Variants in TNFRSF21 observed in about 807,000 individuals in gnomAD.
TNFRSF21 encodes TNF receptor superfamily member 21.
A neutral mutation model predicts 45.6 loss-of-function variants in TNFRSF21; 19 were observed. That is an observed-to-expected ratio of 0.42 (90% CI 0.29 to 0.61). TNFRSF21 has a LOEUF of 0.61. TNFRSF21 is among the 20% of genes least tolerant of loss of function. The probability of loss-of-function intolerance (pLI) is 0.23; values close to 1 mark genes in which losing one functional copy is unlikely to be tolerated. For synonymous variants in TNFRSF21, 314 were observed against 335.5 expected (o/e 0.94, Z 0.70); for missense variants, 737 against 851.5 (o/e 0.87, Z 1.67).
intron 3 of TNFRSF21, among the ~76,000 whole-genome samples, chr6:47,277,356 C>T (rs1005792931): frequency 6.6e-6 from 1 of 152,160 alleles, no homozygotes; most frequent in African/African-American, 2.4e-5. Flanking sequence ...GTGACTTAAT[C>T]GGGAAACAAA....
chr6:47,243,428 T>G (rs1561938450), intron 4 of TNFRSF21, among the ~76,000 whole-genome samples: 1 of 152,184 alleles, frequency 6.6e-6, no homozygotes, highest in Non-Finnish European at 1.5e-5. Context: ...TACATACTGT[T>G]GTTTTTTTGG....
chr6:47,273,346 A>C (rs1449432605), intron 3 of TNFRSF21, among the ~76,000 whole-genome samples: 1 of 152,246 alleles, frequency 6.6e-6, no homozygotes, highest in East Asian at 1.9e-4. Context: ...CCTGGGATGC[A>C]AGGCTGGTTC....
In TNFRSF21 at chr6:47,231,945, A is replaced by C. The variant is rs532427816; in HGVS notation, c.*820T>G. Reference sequence around the variant, plus strand: ...GTGTTCCAGAACAGCTCAAATCCTAAAAGGTGAAGTTCAAGTTCTTTGGTG... The same window carrying C: ...GTGTTCCAGAACAGCTCAAATCCTACAAGGTGAAGTTCAAGTTCTTTGGTG... On this transcript the variant is annotated 3_prime_UTR_variant, in exon 6 of 6. Coordinates refer to ENST00000296861, the MANE Select transcript of TNFRSF21 (RefSeq NM_014452.5). 8.5e-5 allele frequency: 13 copies of C among 152,766 alleles called. No homozygotes were observed. Among genetic ancestry groups the C allele is most frequent in the African/African-American group, 3.1e-4 (13 of 41,584 alleles). The allele number at this position is 152,766 out of a possible 1,614,324, so 9.5% of individuals were successfully genotyped here. A position where few individuals can be genotyped will look rare whatever the true frequency, so the allele number is the denominator to read the frequency against.
At chr6:47,241,286 T>C (rs1385968298) in intron 4 of TNFRSF21, among the ~76,000 whole-genome samples, 1 of 152,176 alleles carries the variant, frequency 6.6e-6, no homozygotes, top group Non-Finnish European at 1.5e-5. Context: ...TCTATTCAAT[T>C]CCTAAGTTCG....
chr6:47,268,366 C>T (rs1359399452), intron 3 of TNFRSF21, among the ~76,000 whole-genome samples: 1 of 152,186 alleles, frequency 6.6e-6, no homozygotes, highest in Admixed American at 6.5e-5. Flanking sequence ...AATAATAAGG[C>T]TCTCCTAGAG....
chr6:47,256,995 C>T (rs957987615), intron 3 of TNFRSF21, among the ~76,000 whole-genome samples: 7 of 152,216 alleles, frequency 4.6e-5, no homozygotes, highest in South Asian at 2.1e-4. Flanking sequence ...AGGGTCACTG[C>T]GGATAAGCTG....
rs1762647678 is a variant in TNFRSF21 at position 47,286,264 on chromosome 6, G to A, written c.428C>T (p.Thr143Ile). Residue 143 changes from threonine (T) to isoleucine (I), a missense_variant, in exon 2 of 6, where the codon ACC becomes ATC. Transcript: ENST00000296861. The stretch of plus-strand genomic sequence containing the variant: ...AGGACACACCGTATGGGGGGCACAG[G>A]TAGCGTTAGACTGGAACATGCCAGG... ...CPPGMFQSNA[T>I]CAPHTVCPVG... 6.2e-7 allele frequency: 1 copy of A among 1,614,214 alleles called. No homozygotes were observed. The highest frequency in any genetic ancestry group is 1.1e-5 in the South Asian group (1 of 91,058).
intron 4 of TNFRSF21, among the ~76,000 whole-genome samples, chr6:47,238,065 A>C (rs1209407291): frequency 1.3e-5 from 2 of 152,206 alleles, no homozygotes; most frequent in Non-Finnish European, 2.9e-5. Context: ...AAAAGAAAGA[A>C]AAAAAGATAT....
chr6:47,284,540 G>C, intron 2 of TNFRSF21, 108 bp from the exon 3 acceptor site: 1 of 1,276,154 alleles, frequency 7.8e-7, no homozygotes, highest in Non-Finnish European at 1.0e-6. Context: ...TCAAAGATAA[G>C]ATGACCCTTG....
At chr6:47,251,507 C>G (rs768443007) in intron 4 of TNFRSF21, among the ~76,000 whole-genome samples, 3 of 152,194 alleles carry the variant, frequency 2.0e-5, no homozygotes, top group Non-Finnish European at 4.4e-5. Context: ...TTATGAATCA[C>G]TCTTTTTGAC....
chr6:47,299,190 G>A lies in TNFRSF21; in HGVS notation c.96+10226C>T, dbSNP rs190485442. 7.2e-5 allele frequency among the ~76,000 whole-genome samples: 11 copies of A among 152,164 alleles called. No individual in the cohort carries two copies. In the East Asian group the frequency reaches 1.2e-3, roughly 16 times the overall value. Reference sequence around the variant, plus strand: ...AATATTCTCAGACACAAAGAAAAAGGTTTAAAAATATAAATCTCGGCTGGG... The same window carrying A: ...AATATTCTCAGACACAAAGAAAAAGATTTAAAAATATAAATCTCGGCTGGG... On this transcript the variant is annotated intron_variant, in intron 1 of 5. Transcript: ENST00000296861.
chr6:47,295,352 C>A (rs941049871), intron 1 of TNFRSF21, among the ~76,000 whole-genome samples: 4 of 152,304 alleles, frequency 2.6e-5, no homozygotes, highest in African/African-American at 9.6e-5. Context: ...CTATCAAATT[C>A]TAATTTTTAG....
chr6:47,287,181 C>A (rs1420846365), intron 1 of TNFRSF21, among the ~76,000 whole-genome samples: 1 of 151,678 alleles, frequency 6.6e-6, no homozygotes, highest in South Asian at 2.1e-4. Flanking sequence ...GTGGTGCATG[C>A]CTGTAATCCC....
chr6:47,284,161 T>C lies in TNFRSF21; in HGVS notation c.1020A>G (p.Leu340=), dbSNP rs200069501. 9.9e-5 allele frequency: 160 copies of C among 1,614,218 alleles called. 2 individuals carry two copies. In the South Asian group the frequency reaches 1.4e-3, roughly 14 times the overall value. The part of the protein sequence containing the change: ...GPKRGHPRQN[L]HKHFDINEHL... Reference sequence around the variant, plus strand: ...GCTCATTGATGTCAAAATGCTTGTGTAGGTTCTGTCTAGGATGTCCCCTCT... The same window carrying C: ...GCTCATTGATGTCAAAATGCTTGTGCAGGTTCTGTCTAGGATGTCCCCTCT... The change falls in exon 3 of 6, where the codon CTA becomes CTG. Residue 340 remains leucine, a synonymous_variant. Coordinates refer to ENST00000296861, the MANE Select transcript of TNFRSF21 (RefSeq NM_014452.5).
At chr6:47,287,465 G>A (rs1248798640) in intron 1 of TNFRSF21, among the ~76,000 whole-genome samples, 7 of 150,930 alleles carry the variant, frequency 4.6e-5, no homozygotes, top group African/African-American at 1.2e-4. Flanking sequence ...CCCTGTTCTT[G>A]TCTTTAGAAG....
At chr6:47,252,399 G>T (rs764494619) in intron 4 of TNFRSF21, among the ~76,000 whole-genome samples, 27 of 152,156 alleles carry the variant, frequency 1.8e-4, no homozygotes, top group Non-Finnish European at 3.4e-4. Flanking sequence ...TGGAAAATAT[G>T]ATTCAATATC....
At chr6:47,234,522 T>C in intron 5 of TNFRSF21, 148 bp downstream of exon 5, 6 of 691,440 alleles carry the variant, frequency 8.7e-6, no homozygotes, top group Non-Finnish European at 9.7e-6. Context: ...GGCCAGCGTA[T>C]CTTGAAGTTT....
intron 1 of TNFRSF21, among the ~76,000 whole-genome samples, chr6:47,289,385 C>A (rs1219801010): frequency 6.6e-6 from 1 of 152,144 alleles, no homozygotes; most frequent in Non-Finnish European, 1.5e-5. Flanking sequence ...CCCAGAGCTG[C>A]CTATCTAGTT....
chr6:47,245,458 TTGTGTGTG>T (rs770568672), intron 4 of TNFRSF21, among the ~76,000 whole-genome samples: 2 of 107,804 alleles, frequency 1.9e-5, no homozygotes, highest in African/African-American at 4.5e-5. Flanking sequence ...GTGTGTGTGT[TTGTGTGTG>T]TGTGTGTGTG....
Sources: allele counts gnomAD v4.1 joint callset (sites outside exome capture counted in the v4.1 genomes callset), GRCh38; gene constraint gnomAD v4.1.1; transcripts MANE v1.5; gene names NCBI Gene and HGNC (gene_info 2026-07-23, HGNC 2026-07-21).